CD3G: variants seen among roughly 807,000 people sequenced by gnomAD.
CD3G encodes CD3 gamma subunit of T-cell receptor complex, also known as T-cell surface glycoprotein CD3 gamma chain.
A neutral mutation model predicts 28.3 loss-of-function variants in CD3G; 24 were observed. The observed-to-expected ratio is 0.85, with a 90% CI of 0.61 to 1.19. The LOEUF (loss-of-function observed/expected upper bound fraction) is 1.19. CD3G is among the 50% of genes most tolerant of loss of function. The pLI, the probability that CD3G is intolerant of heterozygous loss-of-function variation, is 0.00. For missense variants in CD3G, 211 were observed against 210.0 expected, an observed-to-expected ratio of 1.00 and a Z score of -0.03; for synonymous variants, 71 against 75.9, an observed-to-expected ratio of 0.93 and a Z score of 0.34.
At chr11:118,346,670 G>T (rs1392947417) in intron 1 of CD3G, among the ~76,000 whole-genome samples, 2 of 151,772 alleles carry the variant, frequency 1.3e-5, no homozygotes, top group African/African-American at 4.8e-5. Context: ...ACGAAAATTA[G>T]CCAGGCATGT....
intron 3 of CD3G, chr11:118,350,180 A>T: frequency 1.7e-6 from 1 of 600,282 alleles, no homozygotes; most frequent in Non-Finnish European, 2.9e-6. Context: ...AATTTTGTTT[A>T]CCTTTGGGTG....
chr11:118,345,820 C>T (rs1353686652), intron 1 of CD3G, among the ~76,000 whole-genome samples: 1 of 152,172 alleles, frequency 6.6e-6, no homozygotes, highest in Non-Finnish European at 1.5e-5. Flanking sequence ...ATAACAACTT[C>T]CGTGTTCTAA....
At chr11:118,350,019 C>A in intron 3 of CD3G, 49 bp downstream of exon 3, 1 of 1,459,734 alleles carries the variant, frequency 6.9e-7, no homozygotes, top group Non-Finnish European at 9.6e-7. Context: ...TCAGTATTTG[C>A]TGTTCTGGTG....
chr11:118,350,708 G>C (rs200717244), intron 4 of CD3G, 25 bp downstream of exon 4: 75 of 1,613,460 alleles, frequency 4.6e-5, no homozygotes, highest in Non-Finnish European at 5.8e-5. Context: ...TTAGATGAGA[G>C]ATGGGACCAC....
rs1948433418 is a variant in CD3G at position 118,354,338 on chromosome 11, T to C, written c.*1238T>C. The C allele has an allele frequency of 6.7e-6, 1 of 149,276 alleles. No homozygotes were observed. The highest frequency in any genetic ancestry group is 1.5e-5 in the Non-Finnish European group (1 of 67,530). The allele number at this position is 149,276 out of a possible 1,614,324, so 9.2% of individuals were successfully genotyped here. ...TTTTTTTTGAAGTGGAATCTTGCTC[T>C]GTGGCCCAGGCTGGAGTGCAGTGGC... On this transcript the variant is annotated 3_prime_UTR_variant, in exon 7 of 7. Coordinates refer to ENST00000532917, the MANE Select transcript of CD3G (RefSeq NM_000073.3).
intron 5 of CD3G, 111 bp downstream of exon 5, chr11:118,351,782 G>T: frequency 2.2e-6 from 2 of 927,874 alleles, no homozygotes; most frequent in Middle Eastern, 2.2e-4. Flanking sequence ...ACTGCTAACA[G>T]CATACCAGAT....
intron 2 of CD3G, 102 bp from the exon 3 acceptor site, chr11:118,349,641 C>A: frequency 2.2e-6 from 2 of 925,306 alleles, no homozygotes; most frequent in Non-Finnish European, 3.5e-6. Context: ...ATGTGCACAT[C>A]AAAGTTTGAG....
At chr11:118,346,453 A>G (rs562894285) in intron 1 of CD3G, among the ~76,000 whole-genome samples, 2 of 151,944 alleles carry the variant, frequency 1.3e-5, no homozygotes, top group Non-Finnish European at 1.5e-5. Flanking sequence ...CAAAACAAAA[A>G]AAAAAGAAAT....
rs2134074124 is a variant in CD3G at position 118,354,187 on chromosome 11, A to G, written c.*1087A>G. The G allele has an allele frequency of 6.6e-6, 1 of 152,264 alleles. No individual in the cohort carries two copies. Among genetic ancestry groups the G allele is most frequent in the South Asian group, 2.1e-4 (1 of 4,820 alleles). 9.4% of individuals were successfully genotyped at this position (152,264 alleles called of 1,614,324 possible). On this transcript the variant is annotated 3_prime_UTR_variant, in exon 7 of 7. Transcript: ENST00000532917. ...AATGTACATGCCATAAAATCCACCC[A>G]TCTTAAGTGATTTCACCTGTTCTCA...
chr11:118,351,032 C>CA (rs1242873001), intron 4 of CD3G: 4 of 353,020 alleles, frequency 1.1e-5, no homozygotes, highest in East Asian at 1.1e-4. Context: ...ACTAAAAATA[C>CA]AAAAAATTAG....
In CD3G at chr11:118,350,632, G is replaced by GT. The variant is rs768220101; in HGVS notation, c.388_389insT (p.Ala130ValfsTer28). 66 of 1,613,958 alleles carry GT rather than the reference G, an allele frequency of 4.1e-5. 1 individual carries two copies. The South Asian group carries it at 6.3e-4, about 15-fold the overall frequency. On this transcript the variant is annotated frameshift_variant, in exon 4 of 7. Transcript: ENST00000532917. LOFTEE classifies it high-confidence loss of function. ...TGAAATCGTCAGCATTTTCGTCCTT[G>GT]CTGTTGGGGTCTACTTCATTGCTGG...
rs1215412653 is a variant in CD3G, at chr11:118,349,922, T to C, written c.259T>C (p.Cys87Arg). 2 of 1,614,158 alleles carry C rather than the reference T, an allele frequency of 1.2e-6. No individual in the cohort carries two copies. The highest frequency in any genetic ancestry group is 8.5e-7 in the Non-Finnish European group (1 of 1,180,030). Residue 87 changes from cysteine (C) to arginine (R), a missense_variant, in exon 3 of 7, where the codon TGT becomes CGT. Physicochemically the swap from Cys to Arg is radical, Grantham distance 180 (BLOSUM62 -3). Transcript: ENST00000532917. ...NAKDPRGMYQ[C>R]KGSQNKSKPL... ...CAAGGACCCTCGAGGGATGTATCAG[T>C]GTAAAGGATCACAGAACAAGTCAAA...
intron 3 of CD3G, 144 bp from the exon 4 acceptor site, chr11:118,350,408 C>T (rs112365073): frequency 2.3e-5 from 17 of 739,266 alleles, no homozygotes; most frequent in African/African-American, 1.2e-4. Flanking sequence ...TGAGTTTTGG[C>T]GCAAGGATCT....
At chr11:118,349,443 T>A (rs909215122) in intron 2 of CD3G, 1 of 665,740 alleles carries the variant, frequency 1.5e-6, no homozygotes, top group South Asian at 2.0e-5. Context: ...ACCTGTATAG[T>A]ATCTTCCAAA....
chr11:118,350,690 G>C lies in CD3G; in HGVS notation c.439+7G>C, dbSNP rs776211799. On this transcript the variant is annotated splice_region_variant and intron_variant, in intron 4 of 6. Coordinates refer to ENST00000532917, the MANE Select transcript of CD3G (RefSeq NM_000073.3). ...GGAGTTCGCCAGTCGAGAGGTAAAA[G>C]AATGCTCTTAGATGAGAGATGGGAC... 6.2e-7 allele frequency: 1 copy of C among 1,613,764 alleles called. No homozygotes were observed. The highest frequency in any genetic ancestry group is 8.5e-7 in the Non-Finnish European group (1 of 1,179,918).
chr11:118,344,609 G>T, intron 1 of CD3G, 131 bp downstream of exon 1: 1 of 766,428 alleles, frequency 1.3e-6, no homozygotes. Context: ...TCAAAGAAGG[G>T]CAAAATGGAG....
At chr11:118,344,861 G>C (rs1591281354) in intron 1 of CD3G, among the ~76,000 whole-genome samples, 1 of 152,244 alleles carries the variant, frequency 6.6e-6, no homozygotes. Flanking sequence ...ACTCAGTTGG[G>C]CAGTTGGCCA....
chr11:118,350,869 C>T (rs2134071076), intron 4 of CD3G, 186 bp downstream of exon 4: 1 of 747,894 alleles, frequency 1.3e-6, no homozygotes, highest in Non-Finnish European at 1.8e-6. Flanking sequence ...TCACCTGTCT[C>T]AAGATACAGC....
Position 118,349,575 on chromosome 11 carries a change from C to T in CD3G, c.80-168C>T, listed in dbSNP as rs1473958200. ...AGCATGTTAGTAATGCAGAATCTCC[C>T]CTCCCCAGAACTACTAAATAGCACC... On this transcript the variant is annotated intron_variant, in intron 2 of 6. Coordinates refer to ENST00000532917, the MANE Select transcript of CD3G (RefSeq NM_000073.3). The T allele has an allele frequency of 7.4e-6, 5 of 678,946 alleles. No individual in the cohort carries two copies. In the Admixed American group the frequency reaches 1.2e-4, roughly 17 times the overall value. The allele number at this position is 678,946 out of a possible 1,614,324, so 42.1% of individuals were successfully genotyped here. A position where few individuals can be genotyped will look rare whatever the true frequency, so the allele number is the denominator to read the frequency against.
Sources: gnomAD v4.1 joint callset for allele counts (sites outside exome capture counted in the v4.1 genomes callset) on GRCh38, gnomAD v4.1.1 for gene constraint, MANE v1.5 for transcripts, NCBI Gene and HGNC (gene_info 2026-07-23, HGNC 2026-07-21) for gene names.